Variants in SORCS3 observed in about 807,000 individuals in gnomAD.
SORCS3 encodes sortilin related VPS10 domain containing receptor 3.
Under a neutral mutation model 146.3 loss-of-function variants are expected in SORCS3, and 57 were observed. The observed-to-expected ratio is 0.39, with a 90% confidence interval of 0.31 to 0.49. The LOEUF (loss-of-function observed/expected upper bound fraction) is 0.49, where lower values mean the gene tolerates loss of function less well. Ranked by LOEUF, SORCS3 falls within the 20% of genes least tolerant of loss-of-function variation. The pLI, the probability that SORCS3 is intolerant of heterozygous loss-of-function variation, is 0.92. For missense variants in SORCS3, 1,341 were observed against 1,575.5 expected (o/e 0.85, Z 2.52); for synonymous variants, 653 against 618.5 (o/e 1.06, Z -0.83).
intron 1 of SORCS3, among the ~76,000 whole-genome samples, chr10:104,776,696 C>T (rs1003149145): frequency 5.3e-5 from 8 of 151,870 alleles, no homozygotes; most frequent in African/African-American, 1.7e-4. Context: ...TGGCCCCCTC[C>T]GAGAGCCACC....
At chr10:104,850,709 G>A (rs546916420) in intron 2 of SORCS3, among the ~76,000 whole-genome samples, 140 of 152,316 alleles carry the variant, frequency 9.2e-4, no homozygotes, top group Non-Finnish European at 1.6e-3. Flanking sequence ...TACTCATGCC[G>A]TCCTTCTGTT....
chr10:105,001,349 T>C (rs1306340009), intron 4 of SORCS3, among the ~76,000 whole-genome samples: 1 of 152,152 alleles, frequency 6.6e-6, no homozygotes, highest in East Asian at 1.9e-4. Flanking sequence ...TGGAGAAGAA[T>C]CAAATACTGT....
intron 1 of SORCS3, among the ~76,000 whole-genome samples, chr10:104,804,481 T>C (rs2017660051): frequency 1.3e-5 from 2 of 152,306 alleles, no homozygotes; most frequent in Middle Eastern, 3.4e-3. Flanking sequence ...CTTGCATGAT[T>C]TTATATATTC....
At chr10:105,221,201 C>G (rs891699854) in intron 19 of SORCS3, among the ~76,000 whole-genome samples, 1 of 152,190 alleles carries the variant, frequency 6.6e-6, no homozygotes, top group Non-Finnish European at 1.5e-5. Context: ...CCATCCCCCT[C>G]AAGCATTTAT....
At chr10:104,773,005 C>T (rs1172486169) in intron 1 of SORCS3, among the ~76,000 whole-genome samples, 1 of 152,096 alleles carries the variant, frequency 6.6e-6, no homozygotes, top group East Asian at 1.9e-4. Context: ...TGTGAATGGG[C>T]TGGAAGAAGG....
At chr10:105,059,569 G>A (rs910782560) in intron 5 of SORCS3, among the ~76,000 whole-genome samples, 2 of 152,074 alleles carry the variant, frequency 1.3e-5, no homozygotes, top group African/African-American at 2.4e-5. Context: ...TATGAAGGAC[G>A]GTAGGTAGGG....
At chr10:105,118,499 A>T (rs2055908697) in intron 7 of SORCS3, among the ~76,000 whole-genome samples, 1 of 152,224 alleles carries the variant, frequency 6.6e-6, no homozygotes, top group South Asian at 2.1e-4. Context: ...TGCTATAAAG[A>T]TACCCCAAAA....
chr10:105,093,707 A>G (rs1392443225), intron 6 of SORCS3, among the ~76,000 whole-genome samples: 1 of 152,182 alleles, frequency 6.6e-6, no homozygotes, highest in Non-Finnish European at 1.5e-5. Context: ...ATCTATTGTT[A>G]TCACCAAAAT....
chr10:104,940,238 A>ATATATATATTTTT (rs1435205868), intron 3 of SORCS3, among the ~76,000 whole-genome samples: 12 of 31,502 alleles, frequency 3.8e-4, no homozygotes, highest in Non-Finnish European at 6.1e-4. Context: ...ATATATATAT[A>ATATATATATTTTT]TTTTTTTTTT....
At chr10:105,102,645 C>T (rs1333292358) in intron 6 of SORCS3, among the ~76,000 whole-genome samples, 1 of 151,950 alleles carries the variant, frequency 6.6e-6, no homozygotes, top group Non-Finnish European at 1.5e-5. Flanking sequence ...TTTGCCTATG[C>T]ACATGTGCAT....
chr10:105,211,105 ATAC>A, intron 16 of SORCS3, 29 bp from the exon 17 acceptor site: 1 of 1,491,586 alleles, frequency 6.7e-7, no homozygotes, highest in South Asian at 1.1e-5. Flanking sequence ...TTGTACATAT[ATAC>A]TACTATGCAA....
chr10:104,933,758 C>T (rs1342837433), intron 3 of SORCS3, among the ~76,000 whole-genome samples: 2 of 152,098 alleles, frequency 1.3e-5, no homozygotes, highest in Admixed American at 1.3e-4. Flanking sequence ...GATGTGTGTC[C>T]ACTCCACCTA....
At position 104,683,890 on chromosome 10, in the gene SORCS3, A is replaced by G. The variant is rs1181835504; in HGVS notation, c.627+41936A>G. Among the ~76,000 whole-genome samples, 5 of 152,190 alleles carry G rather than the reference A, an allele frequency of 3.3e-5. No homozygotes were observed. In the South Asian group the frequency reaches 8.3e-4, roughly 25 times the overall value. ...GGGCTCTATGCTGGGGATACAAGAT[A>G]GTAAGACCAAGGCCCTCTCATTGAG... On this transcript the variant is annotated intron_variant, in intron 1 of 26. Transcript: ENST00000369701.
intron 1 of SORCS3, among the ~76,000 whole-genome samples, chr10:104,689,372 G>A (rs2016087285): frequency 6.6e-6 from 1 of 152,210 alleles, no homozygotes; most frequent in African/African-American, 2.4e-5. Context: ...CGTTGCCCAT[G>A]TTGCCATCCA....
intron 3 of SORCS3, among the ~76,000 whole-genome samples, chr10:104,957,624 G>C (rs559607626): frequency 1.3e-5 from 2 of 151,940 alleles, no homozygotes; most frequent in African/African-American, 2.4e-5. Context: ...TCACATTTGG[G>C]CTCCTCTGTT....
chr10:105,256,970 GCAAAT>G, intron 25 of SORCS3, 46 bp downstream of exon 25: 1 of 1,330,396 alleles, frequency 7.5e-7, no homozygotes, highest in Non-Finnish European at 1.1e-6. Flanking sequence ...TGGGGTCATT[GCAAAT>G]GATTCTTCCT....
At chr10:104,749,843 G>T (rs1329866779) in intron 1 of SORCS3, among the ~76,000 whole-genome samples, 2 of 152,064 alleles carry the variant, frequency 1.3e-5, no homozygotes, top group East Asian at 1.9e-4. Flanking sequence ...CTCATGGAAA[G>T]ATTTTTATTT....
At chr10:104,736,285 C>T (rs974049126) in intron 1 of SORCS3, among the ~76,000 whole-genome samples, 1 of 152,076 alleles carries the variant, frequency 6.6e-6, no homozygotes, top group Non-Finnish European at 1.5e-5. Flanking sequence ...CAGGAGGCCA[C>T]GGCGGGGCGG....
chr10:104,847,985 A>T (rs982970250), intron 2 of SORCS3, among the ~76,000 whole-genome samples: 1 of 151,972 alleles, frequency 6.6e-6, no homozygotes, highest in Non-Finnish European at 1.5e-5. Context: ...TCTTCTGCTT[A>T]TGGGTAGCTT....
Sources: gnomAD v4.1 joint callset for allele counts (sites outside exome capture counted in the v4.1 genomes callset) on GRCh38, gnomAD v4.1.1 for gene constraint, MANE v1.5 for transcripts, NCBI Gene and HGNC (gene_info 2026-07-23, HGNC 2026-07-21) for gene names.